LRP1B: variants seen among roughly 807,000 people sequenced by gnomAD.
LRP1B encodes the protein low-density lipoprotein receptor-related protein 1B.
A neutral mutation model predicts 556.6 loss-of-function variants in LRP1B; 217 were observed. The observed-to-expected ratio is 0.39, with a 90% CI of 0.35 to 0.44. The LOEUF (loss-of-function observed/expected upper bound fraction) is 0.44. Among genes scored for constraint, LRP1B ranks in the 20% least tolerant of loss-of-function variants. The pLI, the probability that LRP1B is intolerant of heterozygous loss-of-function variation, is 1.00. For missense variants in LRP1B, 5,053 were observed against 5,620.8 expected (o/e 0.90, Z 3.23); for synonymous variants, 2,047 against 1,865.8 (o/e 1.10, Z -2.50).
intron 3 of LRP1B, among the ~76,000 whole-genome samples, chr2:141,476,572 C>T (rs568795514): frequency 1.3e-5 from 2 of 152,132 alleles, no homozygotes; most frequent in South Asian, 2.1e-4. Context: ...TACAAAAATC[C>T]ATTATTCTTT....
At chr2:140,494,983 G>T (rs1688854774) in intron 56 of LRP1B, among the ~76,000 whole-genome samples, 1 of 151,882 alleles carries the variant, frequency 6.6e-6, no homozygotes, top group Non-Finnish European at 1.5e-5. Context: ...TAATATCTGT[G>T]ATTTCTCTCC....
chr2:141,168,524 T>G (rs1344087149), intron 7 of LRP1B, among the ~76,000 whole-genome samples: 5 of 151,586 alleles, frequency 3.3e-5, no homozygotes, highest in Non-Finnish European at 7.4e-5. Flanking sequence ...AACCACAAAC[T>G]TAGAGAGAAA....
chr2:141,954,214 G>A (rs2105040564), intron 1 of LRP1B, among the ~76,000 whole-genome samples: 1 of 152,100 alleles, frequency 6.6e-6, no homozygotes, highest in Non-Finnish European at 1.5e-5. Context: ...GAGTCCTATA[G>A]AAATGGCCTT....
chr2:142,021,574 C>T (rs1014562821), intron 1 of LRP1B, among the ~76,000 whole-genome samples: 15 of 152,010 alleles, frequency 9.9e-5, no homozygotes, highest in Non-Finnish European at 1.9e-4. Context: ...AGTTTAATAT[C>T]CTACTTCAAG....
chr2:140,259,726 A>C (rs1411931044), intron 86 of LRP1B, among the ~76,000 whole-genome samples: 1 of 152,026 alleles, frequency 6.6e-6, no homozygotes, highest in East Asian at 1.9e-4. Context: ...TATTTGAAGA[A>C]ATTTACAACC....
chr2:140,645,626 G>T (rs1217848614), intron 41 of LRP1B, among the ~76,000 whole-genome samples: 1 of 130,702 alleles, frequency 7.7e-6, no homozygotes, highest in Non-Finnish European at 1.5e-5. Context: ...TGCAAGCTCC[G>T]CCTCCCGGGT....
chr2:141,433,535 C>A (rs78656754), intron 3 of LRP1B, among the ~76,000 whole-genome samples: 2,192 of 152,084 alleles, frequency 0.014, 27 homozygotes, highest in Non-Finnish European at 0.024. Context: ...TCCCTTTTGT[C>A]AGTTTTTGCT....
intron 2 of LRP1B, among the ~76,000 whole-genome samples, chr2:141,526,413 C>T (rs2105183453): frequency 6.6e-6 from 1 of 152,090 alleles, no homozygotes; most frequent in East Asian, 1.9e-4. Context: ...GAAACTTTTT[C>T]AAATTCTTGA....
At chr2:142,073,616 G>A (rs918785826) in intron 1 of LRP1B, among the ~76,000 whole-genome samples, 1 of 151,896 alleles carries the variant, frequency 6.6e-6, no homozygotes, top group African/African-American at 2.4e-5. Context: ...AAATCATTCT[G>A]GAGCAAATTT....
chr2:141,485,853 C>T (rs1683100722), intron 2 of LRP1B, among the ~76,000 whole-genome samples: 1 of 152,068 alleles, frequency 6.6e-6, no homozygotes, highest in South Asian at 2.1e-4. Context: ...GGCATTTGAA[C>T]ATTTCACAGC....
intron 84 of LRP1B, among the ~76,000 whole-genome samples, chr2:140,278,908 A>G (rs927598096): frequency 2.6e-5 from 4 of 151,824 alleles, no homozygotes; most frequent in African/African-American, 9.7e-5. Context: ...GTTGCCTCCC[A>G]TTGCCTTTCT....
intron 2 of LRP1B, among the ~76,000 whole-genome samples, chr2:141,716,548 A>C (rs6744109): frequency 0.025 from 3,827 of 152,292 alleles, 167 homozygotes; most frequent in African/African-American, 0.087. Context: ...GGGATAAAGA[A>C]GAAAATAAAC....
chr2:141,861,627 C>T (rs1698241806), intron 1 of LRP1B, among the ~76,000 whole-genome samples: 1 of 152,108 alleles, frequency 6.6e-6, no homozygotes, highest in African/African-American at 2.4e-5. Context: ...AAACTCTTTC[C>T]ATAGAGAAAA....
intron 3 of LRP1B, among the ~76,000 whole-genome samples, chr2:141,323,934 C>CAT (rs1687338800): frequency 6.8e-6 from 1 of 147,800 alleles, no homozygotes; most frequent in African/African-American, 2.5e-5. Flanking sequence ...CACACACACA[C>CAT]ACACATCTGA....
intron 1 of LRP1B, among the ~76,000 whole-genome samples, chr2:142,063,056 C>CCA (rs1553511960): frequency 1.9e-4 from 24 of 125,008 alleles, no homozygotes; most frequent in African/African-American, 6.5e-4. Context: ...ATTACCTGAC[C>CCA]AAAAAAAAAA....
At chr2:141,019,397 T>C (rs80196367) in intron 12 of LRP1B, among the ~76,000 whole-genome samples, 3,498 of 152,198 alleles carry the variant, frequency 0.023, 69 homozygotes, top group South Asian at 0.035. Flanking sequence ...CTTTTACTAA[T>C]TGAATAGTGA....
chr2:140,858,732 C>A (rs1692695426), intron 27 of LRP1B, among the ~76,000 whole-genome samples: 1 of 152,024 alleles, frequency 6.6e-6, no homozygotes, highest in Non-Finnish European at 1.5e-5. Context: ...GCTCTCTCTC[C>A]CCTATCCCCA....
rs897653089 is a variant in LRP1B, at chr2:140,700,698, A to T, written c.6428-77T>A. 12 of 1,457,110 alleles carry T rather than the reference A, an allele frequency of 8.2e-6. No individual in the cohort carries two copies. The African/African-American group carries it at 1.4e-4, about 17-fold the overall frequency. The allele number at this position is 1,457,110 out of a possible 1,614,324, so 90.3% of individuals were successfully genotyped here. On this transcript the variant is annotated intron_variant, in intron 40 of 90. Transcript: ENST00000389484. ...TTTTGAAACAAAATTCTCCATAAAG[A>T]AATATTAAAACTTTGATGTTGAATA...
intron 33 of LRP1B, among the ~76,000 whole-genome samples, chr2:140,773,709 T>A (rs75438017): frequency 2.6e-5 from 4 of 151,732 alleles, no homozygotes; most frequent in African/African-American, 9.7e-5. Context: ...ACTAACCATA[T>A]ACATTTCATA....
Sources: allele counts gnomAD v4.1 joint callset (sites outside exome capture counted in the v4.1 genomes callset), GRCh38; gene constraint gnomAD v4.1.1; transcripts MANE v1.5; gene names NCBI Gene and HGNC (gene_info 2026-07-23, HGNC 2026-07-21).